The following PCDHA8 variants were observed in gnomAD, a reference collection of about 807,000 sequenced individuals.
PCDHA8 encodes protocadherin alpha 8.
In PCDHA8, 53 loss-of-function variants were observed where a neutral mutation model predicts 61.8. The observed-to-expected ratio is 0.86, with a 90% confidence interval of 0.69 to 1.08. The LOEUF (loss-of-function observed/expected upper bound fraction) is 1.08, where lower values mean the gene tolerates loss of function less well. Ranked by LOEUF, PCDHA8 falls within the 50% of genes least tolerant of loss-of-function variation. The pLI is 0.00. For synonymous variants in PCDHA8, 618 were observed against 556.6 expected (o/e 1.11, Z -1.55); for missense variants, 1,293 against 1,245.0 (o/e 1.04, Z -0.58).
At chr5:140,849,200 C>A (rs2150432715) in intron 1 of PCDHA8, 44 of 1,040,882 alleles carry the variant, frequency 4.2e-5, no homozygotes, top group Non-Finnish European at 5.3e-5. Context: ...TACTGGACAA[C>A]AATGACAATG....
intron 2 of PCDHA8, among the ~76,000 whole-genome samples, chr5:140,981,835 T>C (rs991736759): frequency 6.6e-6 from 1 of 152,162 alleles, no homozygotes; most frequent in Non-Finnish European, 1.5e-5. Context: ...TCTAAAGGTC[T>C]CCCAGTTTGT....
intron 1 of PCDHA8, among the ~76,000 whole-genome samples, chr5:140,846,706 T>C (rs1780634122): frequency 6.7e-6 from 1 of 149,360 alleles, no homozygotes. Context: ...GAGAAGATTG[T>C]AATAACCAGT....
chr5:140,966,958 G>T (rs561982676), intron 1 of PCDHA8: 4 of 1,602,380 alleles, frequency 2.5e-6, no homozygotes, highest in African/African-American at 2.7e-5. Context: ...TGGCTCGCGC[G>T]CTGGGGCTTG....
At chr5:140,981,017 G>T (rs782757397) in intron 2 of PCDHA8, among the ~76,000 whole-genome samples, 42 of 152,076 alleles carry the variant, frequency 2.8e-4, no homozygotes, top group Non-Finnish European at 5.3e-4. Flanking sequence ...ACACTTGAAG[G>T]CTGTTAATAT....
At chr5:140,925,479 A>G (rs2082513030) in intron 1 of PCDHA8, among the ~76,000 whole-genome samples, 1 of 152,116 alleles carries the variant, frequency 6.6e-6, no homozygotes. Context: ...TGTTTCTCAT[A>G]GAACTGATCA....
chr5:140,987,244 A>T (rs1184597193), intron 3 of PCDHA8, among the ~76,000 whole-genome samples: 1 of 152,018 alleles, frequency 6.6e-6, no homozygotes, highest in Non-Finnish European at 1.5e-5. Context: ...ATAAAGAAAG[A>T]AAGACATTCT....
At chr5:140,968,029 GGT>G in intron 1 of PCDHA8, 1 of 1,614,170 alleles carries the variant, frequency 6.2e-7, no homozygotes, top group African/African-American at 1.3e-5. Context: ...CCTATACACT[GGT>G]GGTGAGCGGC....
At chr5:140,854,271 A>C in intron 1 of PCDHA8, 5 of 574,086 alleles carry the variant, frequency 8.7e-6, no homozygotes, top group Non-Finnish European at 1.1e-5. Context: ...CATTAGTAGA[A>C]ATTGAGTTTA....
chr5:140,961,887 GTTT>G (rs35680913), intron 1 of PCDHA8, among the ~76,000 whole-genome samples: 1 of 143,934 alleles, frequency 6.9e-6, no homozygotes. Context: ...ACTTACATCA[GTTT>G]TTTTTTTTTT....
chr5:140,936,079 G>T (rs1341534865), intron 1 of PCDHA8, among the ~76,000 whole-genome samples: 2 of 152,008 alleles, frequency 1.3e-5, no homozygotes, highest in African/African-American at 4.8e-5. Context: ...TTTTAGTAGA[G>T]ACAGGGTTTC....
intron 1 of PCDHA8, among the ~76,000 whole-genome samples, chr5:140,939,948 A>C (rs2153644220): frequency 6.6e-6 from 1 of 152,296 alleles, no homozygotes; most frequent in Admixed American, 6.5e-5. Context: ...TACTGAGAAA[A>C]TTATGTTAAA....
chr5:140,968,807 G>C (rs1327580375), intron 1 of PCDHA8: 1 of 1,614,178 alleles, frequency 6.2e-7, no homozygotes, highest in Non-Finnish European at 8.5e-7. Flanking sequence ...AGTAGCTGTG[G>C]TGGATAGGGT....
chr5:140,927,051 G>T, intron 1 of PCDHA8: 1 of 1,612,116 alleles, frequency 6.2e-7, no homozygotes, highest in South Asian at 1.1e-5. Flanking sequence ...TGTCCTCGCG[G>T]AACTTTCGCT....
At chr5:140,971,695 A>G (rs563817946) in intron 1 of PCDHA8, among the ~76,000 whole-genome samples, 26 of 152,062 alleles carry the variant, frequency 1.7e-4, no homozygotes, top group Admixed American at 5.2e-4. Flanking sequence ...GTACTCACTA[A>G]CCACCCTGCT....
intron 3 of PCDHA8, among the ~76,000 whole-genome samples, chr5:141,008,156 G>A (rs1231186640): frequency 6.6e-6 from 1 of 152,150 alleles, no homozygotes; most frequent in Non-Finnish European, 1.5e-5. Context: ...GGTTTGATAA[G>A]ATGAGGACTA....
chr5:140,987,747 T>G (rs1336636332), intron 3 of PCDHA8, among the ~76,000 whole-genome samples: 1 of 152,178 alleles, frequency 6.6e-6, no homozygotes. Context: ...TAGACCCAGG[T>G]TGTTCTGAGT....
intron 1 of PCDHA8, 146 bp downstream of exon 1, chr5:140,843,861 G>T: frequency 1.1e-6 from 1 of 908,292 alleles, no homozygotes; most frequent in South Asian, 1.8e-5. Context: ...ATAATTAATT[G>T]AATTTTCTCA....
At chr5:140,926,873 C>T in intron 1 of PCDHA8, 1 of 1,525,502 alleles carries the variant, frequency 6.6e-7, no homozygotes, top group Non-Finnish European at 8.8e-7. Context: ...GTTGGTGGAA[C>T]GTGGACGCCT....
intron 1 of PCDHA8, chr5:140,857,428 G>C (rs782142394): frequency 1.9e-6 from 3 of 1,598,342 alleles, no homozygotes; most frequent in East Asian, 2.2e-5. Context: ...CCGAGTACAC[G>C]GTGTTCGTGA....
Sources: gnomAD v4.1 joint callset for allele counts (sites outside exome capture counted in the v4.1 genomes callset) on GRCh38, gnomAD v4.1.1 for gene constraint, MANE v1.5 for transcripts, NCBI Gene and HGNC (gene_info 2026-07-23, HGNC 2026-07-21) for gene names.